The following APOB variants were observed in gnomAD, a reference collection of about 807,000 sequenced individuals.
The protein encoded by APOB is apolipoprotein B, also known as apolipoprotein B-100.
A neutral mutation model predicts 314.1 loss-of-function variants in APOB; 153 were observed. The observed-to-expected ratio is 0.49, with a 90% CI of 0.43 to 0.56. The LOEUF is 0.56. APOB is among the 20% of genes least tolerant of loss of function. APOB has a pLI of 0.00. For missense variants in APOB, 5,430 were observed against 5,350.7 expected (o/e 1.01, Z -0.46); for synonymous variants, 2,087 against 2,036.4 (o/e 1.02, Z -0.67).
At chr2:21,037,846 G>GTAAC (rs1489889102) in intron 5 of APOB, 112 bp downstream of exon 5, 29 of 1,367,778 alleles carry the variant, frequency 2.1e-5, no homozygotes, top group Non-Finnish European at 3.0e-5. Context: ...GGCTTCCTAT[G>GTAAC]TAACTAGTCA....
At position 21,002,962 on chromosome 2, in the gene APOB, C is replaced by A. The variant is rs767587977; in HGVS notation, c.12460G>T (p.Glu4154Ter). ...WKDKAQNLYQ[E>*]LLTQEGQASF... is the part of the protein sequence containing the mutation. The stretch of plus-strand genomic sequence containing the variant: ...GCTTGGCCTTCCTGAGTCAACAGTT[C>A]CTGGTACAGATTCTGGGCCTTGTCC... The change falls in exon 29 of 29, where the codon GAA (glutamate) becomes TAA (stop). Residue 4154 changes from glutamate to a stop codon, truncating the protein, a stop_gained. Coordinates refer to ENST00000233242, the MANE Select transcript of APOB (RefSeq NM_000384.3). LOFTEE classifies it low-confidence loss of function (END_TRUNC). The A allele has an allele frequency of 1.9e-6, 3 of 1,606,744 alleles. No homozygotes were observed. The highest frequency in any genetic ancestry group is 1.3e-5 in the African/African-American group (1 of 74,838).
intron 14 of APOB, among the ~76,000 whole-genome samples, chr2:21,027,589 A>G (rs1318161316): frequency 6.6e-6 from 1 of 152,200 alleles, no homozygotes. Context: ...CTGGGATTAC[A>G]GGAGTGAGCC....
At position 21,038,019 on chromosome 2, in the gene APOB, C is replaced by A. The variant is rs764210752; in HGVS notation, c.476G>T (p.Gly159Val). 1.2e-6 allele frequency: 2 copies of A among 1,614,190 alleles called. No homozygotes were observed. The highest frequency in any genetic ancestry group is 1.7e-6 in the Non-Finnish European group (2 of 1,180,026). The change falls in exon 5 of 29, where the codon GGC becomes GTC. Residue 159 changes from glycine (G) to valine (V), a missense_variant. Gly to Val is a moderately radical substitution (Grantham distance 109). Transcript: ENST00000233242. ...EPTYILNIKR[G>V]IISALLVPPE... Reference sequence around the variant, plus strand: ...GGGAACCAGGAGGGCAGAAATGATGCCCCTCTTGATGTTCAGGATGTAAGT... The same window carrying A: ...GGGAACCAGGAGGGCAGAAATGATGACCCTCTTGATGTTCAGGATGTAAGT...
chr2:21,029,317 G>A (rs1663819404), intron 12 of APOB, among the ~76,000 whole-genome samples: 1 of 152,188 alleles, frequency 6.6e-6, no homozygotes, highest in Admixed American at 6.5e-5. Context: ...TGGGTGTAAT[G>A]GCACATGCCT....
rs1437638424 is a variant in APOB, at chr2:21,007,450, T to A, written c.9418A>T (p.Thr3140Ser). 2.5e-6 allele frequency: 4 copies of A among 1,613,996 alleles called. No individual in the cohort carries two copies. In the Admixed American group the frequency reaches 5.0e-5, roughly 20 times the overall value. Residue 3140 changes from threonine to serine, a missense_variant, in exon 26 of 29, where the codon ACA (threonine) becomes TCA (serine). Coordinates refer to ENST00000233242, the MANE Select transcript of APOB (RefSeq NM_000384.3). ...TTCAGTGGAGGAGTTGTGATTATTG[T>A]GTAAGGTAGACGCATTTCAGGAATT... is the stretch of plus-strand genomic sequence containing the variant. ...LTIPEMRLPY[T>S]IITTPPLKDF...
At chr2:21,016,998 T>TAA (rs1369293854) in intron 20 of APOB, among the ~76,000 whole-genome samples, 2 of 120,132 alleles carry the variant, frequency 1.7e-5, no homozygotes, top group African/African-American at 6.3e-5. Context: ...AATAAATAAA[T>TAA]AAATAAATAA....
Position 21,031,220 on chromosome 2 carries a change from C to T in APOB, c.1352+1134G>A, listed in dbSNP as rs138907953. ...ATCAACCTAAGTGTCTATCAATGGACGATTGGATTAAAAATGTGAAATGTA... is the reference window on the plus strand; with the variant it reads ...ATCAACCTAAGTGTCTATCAATGGATGATTGGATTAAAAATGTGAAATGTA... On this transcript the variant is annotated intron_variant, in intron 10 of 28. Transcript: ENST00000233242. Among the ~76,000 whole-genome samples the T allele has an allele frequency of 1.9e-4, 29 of 152,176 alleles. No homozygotes were observed. In the East Asian group the frequency reaches 5.0e-3, roughly 26 times the overall value.
chr2:21,019,630 C>G, intron 19 of APOB, 93 bp downstream of exon 19: 2 of 1,350,192 alleles, frequency 1.5e-6, no homozygotes, highest in Non-Finnish European at 1.0e-6. Flanking sequence ...GTGACAGGGT[C>G]TTACAACACA....
At chr2:21,023,964 A>C (rs1222508472) in intron 16 of APOB, 3 of 302,884 alleles carry the variant, frequency 9.9e-6, no homozygotes, top group Non-Finnish European at 1.8e-5. Flanking sequence ...TGGGCCTCAG[A>C]GCTTTATGGA....
At chr2:21,016,956 C>T (rs1283222373) in intron 20 of APOB, among the ~76,000 whole-genome samples, 1 of 149,290 alleles carries the variant, frequency 6.7e-6, no homozygotes, top group African/African-American at 2.5e-5. Context: ...TGCACTGCAG[C>T]CTGGGCAAAA....
At position 21,009,404 on chromosome 2, in the gene APOB, T is replaced by C; in HGVS notation, c.7464A>G (p.Lys2488=). 1 of 1,614,080 alleles carries C rather than the reference T, an allele frequency of 6.2e-7. No individual in the cohort carries two copies. The highest frequency in any genetic ancestry group is 8.5e-7 in the Non-Finnish European group (1 of 1,179,964). Residue 2488 remains lysine, a synonymous_variant, in exon 26 of 29, where the codon AAA becomes AAG. Coordinates refer to ENST00000233242, the MANE Select transcript of APOB (RefSeq NM_000384.3). Reference sequence around the variant, plus strand: ...GTAACCAATTGATGATTAAGGTTATTTTGGTGTCCTGTAGGCTTTCCAGAT... The same window carrying C: ...GTAACCAATTGATGATTAAGGTTATCTTGGTGTCCTGTAGGCTTTCCAGAT... The part of the protein sequence containing the change: ...AVYLESLQDT[K]ITLIINWLQE...
At chr2:21,028,253 C>A in intron 13 of APOB, 74 bp downstream of exon 13, 1 of 1,351,898 alleles carries the variant, frequency 7.4e-7, no homozygotes, top group Non-Finnish European at 1.1e-6. Context: ...CAGACAGTGG[C>A]TATGCCAAAA....
At chr2:21,036,803 C>G (rs1664013448) in intron 6 of APOB, among the ~76,000 whole-genome samples, 1 of 152,068 alleles carries the variant, frequency 6.6e-6, no homozygotes, top group African/African-American at 2.4e-5. Flanking sequence ...GGTGAGTAGT[C>G]ATTACTCTCA....
rs141065129 is a variant in APOB, at chr2:21,023,649, A to G, written c.2480T>C (p.Leu827Pro). The G allele has an allele frequency of 9.3e-6, 15 of 1,613,182 alleles. No homozygotes were observed. The African/African-American group carries it at 1.9e-4, about 20-fold the overall frequency. ...GGCATTCTCCATGAAGATGTAGTGA[A>G]GAAAAAAGTCATTCTTTGAGCCCTT... Reference protein sequence around the residue: ...IRKGSKNDFFLHYIFMENAFE... With the variant: ...IRKGSKNDFFPHYIFMENAFE... Residue 827 changes from leucine to proline, a missense_variant, in exon 17 of 29, where the codon CTT (leucine) becomes CCT (proline). Physicochemically the swap from Leu to Pro is moderately conservative, Grantham distance 98 (BLOSUM62 -3). Transcript: ENST00000233242.
chr2:21,004,259 T>C lies in APOB; in HGVS notation c.12087+10A>G. On this transcript the variant is annotated intron_variant, in intron 28 of 28. Coordinates refer to ENST00000233242, the MANE Select transcript of APOB (RefSeq NM_000384.3). ...TCTTGGGGGCGTGTCACTCATTAGGTGGTATTTACCTGAGGGCTGTAGTAG... is the reference window on the plus strand; with the variant it reads ...TCTTGGGGGCGTGTCACTCATTAGGCGGTATTTACCTGAGGGCTGTAGTAG... The C allele has an allele frequency of 6.2e-7, 1 of 1,613,726 alleles. No homozygotes were observed. Among genetic ancestry groups the C allele is most frequent in the Non-Finnish European group, 8.5e-7 (1 of 1,179,738 alleles).
chr2:21,042,506 T>C lies in APOB; in HGVS notation c.122-30A>G. ...CGTGGGGAGAAATACGTCAGCCACA[T>C]AGCAGAAATAGCTCTCCCAAGGACA... On this transcript the variant is annotated intron_variant, in intron 2 of 28. Coordinates refer to ENST00000233242, the MANE Select transcript of APOB (RefSeq NM_000384.3). 1.9e-6 allele frequency: 3 copies of C among 1,550,102 alleles called. No individual in the cohort carries two copies. In the South Asian group the frequency reaches 3.3e-5, roughly 17 times the overall value.
At chr2:21,038,533 A>G (rs1006165512) in intron 4 of APOB, among the ~76,000 whole-genome samples, 2 of 152,020 alleles carry the variant, frequency 1.3e-5, no homozygotes, top group African/African-American at 2.4e-5. Flanking sequence ...GACAGTTTTC[A>G]CCATGTTGGC....
Position 21,005,398 on chromosome 2 carries a change from G to A in APOB, c.11470C>T (p.Gln3824Ter), listed in dbSNP as rs1395355706. 1 of 1,614,038 alleles carries A rather than the reference G, an allele frequency of 6.2e-7. No homozygotes were observed. Among genetic ancestry groups the A allele is most frequent in the Non-Finnish European group, 8.5e-7 (1 of 1,179,946 alleles). Residue 3824 changes from glutamine to a stop codon, truncating the protein, a stop_gained, in exon 26 of 29, where the codon CAG becomes TAG. Coordinates refer to ENST00000233242, the MANE Select transcript of APOB (RefSeq NM_000384.3). LOFTEE classifies it high-confidence loss of function. Reference sequence around the variant, plus strand: ...GAAACACTTTTTGGAAGCGTGAACTGGGACACAGTTAACTGAGATTCAGGC... The same window carrying A: ...GAAACACTTTTTGGAAGCGTGAACTAGGACACAGTTAACTGAGATTCAGGC... ...TVPESQLTVS[Q>*]FTLPKSVSDG... is the part of the protein sequence containing the mutation.
At chr2:21,028,563 A>G (rs1386446596) in intron 12 of APOB, 25 bp from the exon 13 acceptor site, 1 of 1,528,814 alleles carries the variant, frequency 6.5e-7, no homozygotes, top group Non-Finnish European at 9.0e-7. Flanking sequence ...GGAGATGGTT[A>G]TCACTGTCCT....
Sources: gnomAD v4.1 joint callset for allele counts (sites outside exome capture counted in the v4.1 genomes callset) on GRCh38, gnomAD v4.1.1 for gene constraint, MANE v1.5 for transcripts, NCBI Gene and HGNC (gene_info 2026-07-23, HGNC 2026-07-21) for gene names.